The following CLCN4 variants were observed in gnomAD, a reference collection of about 807,000 sequenced individuals.
CLCN4 encodes Cl-/H+ antiporter 4.
Under a neutral mutation model 41.7 loss-of-function variants are expected in CLCN4, and 1 was observed. The observed-to-expected ratio is 0.02, with a 90% CI of 0.01 to 0.11. CLCN4 has a LOEUF of 0.11. Ranked by LOEUF, CLCN4 falls within the 10% of genes least tolerant of loss-of-function variation. The probability of loss-of-function intolerance (pLI) is 1.00; values close to 1 mark genes in which losing one functional copy is unlikely to be tolerated. For missense variants in CLCN4, 287 were observed against 661.0 expected, an observed-to-expected ratio of 0.43 and a Z score of 6.20; for synonymous variants, 277 against 285.8, an observed-to-expected ratio of 0.97 and a Z score of 0.31.
intron 6 of CLCN4, among the ~76,000 whole-genome samples, chrX:10,198,360 A>C (rs1924151618): frequency 8.9e-6 from 1 of 112,289 alleles, no homozygotes. Flanking sequence ...CTCAGATGAT[A>C]AAAGCCTTGT....
chrX:10,190,676 G>A (rs1923937035), intron 4 of CLCN4, among the ~76,000 whole-genome samples: 1 of 111,560 alleles, frequency 9.0e-6, no homozygotes. Context: ...CTTTTCACTG[G>A]GTTTCAGTTT....
intron 2 of CLCN4, among the ~76,000 whole-genome samples, chrX:10,167,376 C>T (rs1171187952): frequency 8.9e-6 from 1 of 112,017 alleles, no homozygotes; most frequent in Non-Finnish European, 1.9e-5. Flanking sequence ...AATGAAATTC[C>T]TGGGGTTTCA....
chrX:10,222,230 T>TA (rs1233339656), intron 12 of CLCN4, among the ~76,000 whole-genome samples: 5 of 111,662 alleles, frequency 4.5e-5, no homozygotes, highest in Non-Finnish European at 3.8e-5. Flanking sequence ...AGCAGTTCCT[T>TA]AAAGGTCATT....
intron 5 of CLCN4, among the ~76,000 whole-genome samples, chrX:10,196,333 T>C (rs1924093887): frequency 8.9e-6 from 1 of 111,940 alleles, no homozygotes; most frequent in South Asian, 3.7e-4. Flanking sequence ...CAGATCTTTA[T>C]TAAAATCTTA....
intron 2 of CLCN4, among the ~76,000 whole-genome samples, chrX:10,174,824 C>G (rs937747772): frequency 1.8e-5 from 2 of 112,126 alleles, no homozygotes; most frequent in Non-Finnish European, 3.8e-5. Flanking sequence ...TCTTTTGTCC[C>G]CTCCCCAGTC....
At chrX:10,209,637 A>G (rs1412225726) in intron 9 of CLCN4, among the ~76,000 whole-genome samples, 1 of 111,492 alleles carries the variant, frequency 9.0e-6, no homozygotes, top group African/African-American at 3.3e-5. Flanking sequence ...TGCTGGGATC[A>G]TAGGCATGAG....
chrX:10,190,051 G>C (rs1923917269), intron 4 of CLCN4, among the ~76,000 whole-genome samples: 1 of 111,073 alleles, frequency 9.0e-6, no homozygotes, highest in Non-Finnish European at 1.9e-5. Context: ...AAACAGAGTA[G>C]AAAGGTGGCT....
At chrX:10,231,734 C>T (rs964135889) in intron 12 of CLCN4, among the ~76,000 whole-genome samples, 2 of 111,552 alleles carry the variant, frequency 1.8e-5, no homozygotes, top group African/African-American at 6.5e-5. Context: ...ATGATAAGCT[C>T]CATTGCTCGG....
At chrX:10,204,695 C>T (rs979159722) in intron 6 of CLCN4, among the ~76,000 whole-genome samples, 2 of 85,694 alleles carry the variant, frequency 2.3e-5, no homozygotes, top group African/African-American at 8.7e-5. Flanking sequence ...GCTCGTGGGT[C>T]ATACAAAAAT....
intron 2 of CLCN4, among the ~76,000 whole-genome samples, chrX:10,161,917 C>T (rs1923116028): frequency 9.1e-6 from 1 of 110,333 alleles, no homozygotes; most frequent in Admixed American, 9.6e-5. Context: ...GGTGAGGACC[C>T]GAGGTCCATT....
At chrX:10,220,629 G>A (rs1232925727) in intron 11 of CLCN4, 32 bp from the exon 12 acceptor site, 1 of 1,129,126 alleles carries the variant, frequency 8.9e-7, no homozygotes, top group Non-Finnish European at 1.2e-6. Flanking sequence ...GGGTTTTTGT[G>A]TGGCTCATTG....
At chrX:10,224,171 A>G (rs1308106974) in intron 12 of CLCN4, among the ~76,000 whole-genome samples, 2 of 110,805 alleles carry the variant, frequency 1.8e-5, no homozygotes, top group East Asian at 2.9e-4. Context: ...TAACTTTTAG[A>G]CATTACAGTC....
At chrX:10,184,455 C>T (rs943836889) in intron 2 of CLCN4, among the ~76,000 whole-genome samples, 3 of 111,739 alleles carry the variant, frequency 2.7e-5, no homozygotes, top group African/African-American at 9.8e-5. Context: ...TTCCTGCTTC[C>T]ACTCTCCTCC....
At chrX:10,193,291 C>T (rs946696112) in intron 4 of CLCN4, among the ~76,000 whole-genome samples, 11 of 112,308 alleles carry the variant, frequency 9.8e-5, no homozygotes, top group African/African-American at 3.2e-4. Flanking sequence ...TAGTGATTGG[C>T]TCTGTAATAG....
intron 2 of CLCN4, among the ~76,000 whole-genome samples, chrX:10,159,725 A>G (rs1923044856): frequency 9.0e-6 from 1 of 111,445 alleles, no homozygotes; most frequent in Non-Finnish European, 1.9e-5. Flanking sequence ...TAATTTAGTA[A>G]CTTGTTTATT....
In CLCN4 at chrX:10,187,763, G is replaced by C; in HGVS notation, c.244+149G>C. The C allele has an allele frequency of 1.1e-5, 5 of 467,143 alleles. No individual in the cohort carries two copies. In the South Asian group the frequency reaches 1.7e-4, roughly 15 times the overall value. The allele number at this position is 467,143 out of a possible 1,213,427, so 38.5% of individuals were successfully genotyped here. A position where few individuals can be genotyped will look rare whatever the true frequency, so the allele number is the denominator to read the frequency against. The stretch of plus-strand genomic sequence containing the variant: ...GATTTATTACTTGAAATATCTAAGG[G>C]CAAAATGCATGGCTGTATATTTAAC... On this transcript the variant is annotated intron_variant, in intron 4 of 12. Coordinates refer to ENST00000380833, the MANE Select transcript of CLCN4 (RefSeq NM_001830.4).
At position 10,219,463 on chromosome X, in the gene CLCN4, G is replaced by A. The variant is rs149192640; in HGVS notation, c.1976-1198G>A. On this transcript the variant is annotated intron_variant, in intron 11 of 12. Coordinates refer to ENST00000380833, the MANE Select transcript of CLCN4 (RefSeq NM_001830.4). ...TGAAAACGCGTTGTGCCTCAGAGTC[G>A]TCTGGTATTTGTGGCAGAATCATAC... Among the ~76,000 whole-genome samples the A allele has an allele frequency of 4.5e-4, 50 of 112,218 alleles. No homozygotes were observed. In the East Asian group the frequency reaches 0.013, roughly 30 times the overall value.
At chrX:10,219,103 C>A (rs1386303680) in intron 11 of CLCN4, among the ~76,000 whole-genome samples, 1 of 112,435 alleles carries the variant, frequency 8.9e-6, no homozygotes, top group African/African-American at 3.2e-5. Flanking sequence ...GCTTCTAACC[C>A]AATCAGTAGG....
intron 4 of CLCN4, among the ~76,000 whole-genome samples, chrX:10,194,226 G>GA (rs898388858): frequency 9.0e-6 from 1 of 111,363 alleles, no homozygotes; most frequent in Non-Finnish European, 1.9e-5. Context: ...GAAGATGCTT[G>GA]AAAGCATTCT....
Sources: allele counts gnomAD v4.1 joint callset (sites outside exome capture counted in the v4.1 genomes callset), GRCh38; gene constraint gnomAD v4.1.1; transcripts MANE v1.5; gene names NCBI Gene and HGNC (gene_info 2026-07-23, HGNC 2026-07-21).